TEX11: variants seen among roughly 807,000 people sequenced by gnomAD.
TEX11 encodes the protein testis-expressed protein 11.
Under a neutral mutation model 84.4 loss-of-function variants are expected in TEX11, and 7 were observed. That is an observed-to-expected ratio of 0.08 (90% confidence interval 0.05 to 0.16). The LOEUF (loss-of-function observed/expected upper bound fraction) is 0.16, where lower values mean the gene tolerates loss of function less well. Among genes scored for constraint, TEX11 ranks in the 10% least tolerant of loss-of-function variants. TEX11 has a pLI of 1.00. For missense variants in TEX11, 551 were observed against 660.5 expected, an observed-to-expected ratio of 0.83 and a Z score of 1.82; for synonymous variants, 264 against 222.8, an observed-to-expected ratio of 1.18 and a Z score of -1.64.
At chrX:70,841,385 G>A (rs2091442971) in intron 7 of TEX11, among the ~76,000 whole-genome samples, 1 of 111,147 alleles carries the variant, frequency 9.0e-6, no homozygotes, top group African/African-American at 3.3e-5. Context: ...TGACTACTCG[G>A]TACATAATGA....
intron 8 of TEX11, among the ~76,000 whole-genome samples, chrX:70,812,362 C>T (rs1010357738): frequency 1.8e-5 from 2 of 110,218 alleles, no homozygotes; most frequent in Non-Finnish European, 3.8e-5. Context: ...GCACCCACCA[C>T]CAGGCCGGCT....
intron 28 of TEX11, among the ~76,000 whole-genome samples, chrX:70,540,502 A>G: frequency 9.0e-6 from 1 of 110,530 alleles, no homozygotes; most frequent in East Asian, 2.8e-4. Context: ...AATTTTTTTT[A>G]TTATGGAGAT....
intron 20 of TEX11, among the ~76,000 whole-genome samples, chrX:70,621,244 C>T (rs972010702): frequency 2.4e-4 from 26 of 107,319 alleles, no homozygotes; most frequent in East Asian, 8.8e-4. Context: ...ATATTAGGGT[C>T]GGGCACGGTG....
chrX:70,856,711 T>C (rs1161423561), intron 5 of TEX11, among the ~76,000 whole-genome samples: 1 of 111,277 alleles, frequency 9.0e-6, no homozygotes, highest in Non-Finnish European at 1.9e-5. Context: ...CTAGATCTAA[T>C]TATCAGTTTA....
intron 25 of TEX11, among the ~76,000 whole-genome samples, chrX:70,561,764 A>G (rs1307854724): frequency 8.9e-6 from 1 of 112,002 alleles, no homozygotes; most frequent in Non-Finnish European, 1.9e-5. Context: ...ATTTGCATAT[A>G]CATAATACAT....
chrX:70,853,794 G>A (rs1014059087), intron 5 of TEX11, among the ~76,000 whole-genome samples: 2 of 111,920 alleles, frequency 1.8e-5, no homozygotes, highest in African/African-American at 6.5e-5. Context: ...ATTGTAACTG[G>A]TAGATATCCC....
chrX:70,768,524 C>T (rs75570679), intron 9 of TEX11, among the ~76,000 whole-genome samples: 8,299 of 109,536 alleles, frequency 0.076, 492 homozygotes, highest in Admixed American at 0.28. Flanking sequence ...GGGGAGGCCT[C>T]GGGAAACATA....
intron 20 of TEX11, among the ~76,000 whole-genome samples, chrX:70,621,640 G>A (rs906769834): frequency 1.2e-5 from 1 of 86,821 alleles, no homozygotes; most frequent in African/African-American, 4.3e-5. Flanking sequence ...GCAAACAAAG[G>A]AATGAATACG....
At chrX:70,890,161 A>G (rs1225315214) in intron 2 of TEX11, among the ~76,000 whole-genome samples, 1 of 112,058 alleles carries the variant, frequency 8.9e-6, no homozygotes, top group African/African-American at 3.2e-5. Flanking sequence ...AGATTTCATG[A>G]AAAAAACTAA....
chrX:70,899,225 A>G (rs754203446), intron 2 of TEX11, among the ~76,000 whole-genome samples: 1 of 111,859 alleles, frequency 8.9e-6, no homozygotes, highest in East Asian at 2.8e-4. Context: ...GTAGCAATAT[A>G]TGGCTACTGA....
At chrX:70,520,792 C>T in the TEX11 span, among the ~76,000 whole-genome samples, 15 of 112,097 alleles carry the variant, frequency 1.3e-4, no homozygotes, top group Admixed American at 7.5e-4. Flanking sequence ...TGGGCTCCAC[C>T]GAGTTCGAGC....
intron 9 of TEX11, among the ~76,000 whole-genome samples, chrX:70,755,213 A>T (rs1255585688): frequency 8.9e-6 from 1 of 112,380 alleles, no homozygotes; most frequent in Admixed American, 9.4e-5. Context: ...GGAAACTCGA[A>T]GAAATTCAAG....
chrX:70,862,650 C>T (rs6525435), intron 4 of TEX11, among the ~76,000 whole-genome samples: 21,841 of 108,381 alleles, frequency 0.2, 3,104 homozygotes, highest in African/African-American at 0.45. Context: ...ACACCTGTAA[C>T]CCCAACACTT....
chrX:70,804,455 T>C (rs966413458), intron 9 of TEX11, among the ~76,000 whole-genome samples: 1 of 111,888 alleles, frequency 8.9e-6, no homozygotes, highest in Non-Finnish European at 1.9e-5. Flanking sequence ...TTTAAAACAT[T>C]TGTGAATATT....
In TEX11 at chrX:70,553,414, A is replaced by G. The variant is rs1282035365; in HGVS notation, c.2291T>C (p.Ile764Thr). The change falls in exon 27 of 30, where the codon ATA (isoleucine) becomes ACA (threonine). Residue 764 changes from isoleucine to threonine, a missense_variant and splice_region_variant. Coordinates refer to ENST00000374333, the MANE Select transcript of TEX11 (RefSeq NM_031276.3). ...LETKTFETIA[I>T]IAMEKPAHYP... ...GTGTGCAGGCTTTTCCATTGCTATTACTAGAGTAAGAAAAGGAAAAAGGTT... is the reference window on the plus strand; with the variant it reads ...GTGTGCAGGCTTTTCCATTGCTATTGCTAGAGTAAGAAAAGGAAAAAGGTT... The G allele has an allele frequency of 2.6e-6, 3 of 1,172,624 alleles. No individual in the cohort carries two copies. Among genetic ancestry groups the G allele is most frequent in the Non-Finnish European group, 3.5e-6 (3 of 868,802 alleles).
chrX:70,634,344 CA>C (rs1025768863), intron 17 of TEX11, among the ~76,000 whole-genome samples: 1 of 111,619 alleles, frequency 9.0e-6, no homozygotes, highest in African/African-American at 3.3e-5. Context: ...TTCATTTATG[CA>C]AAACTTAAAA....
At chrX:70,591,624 G>GAAA in intron 25 of TEX11, 127 bp downstream of exon 25, 1 of 431,826 alleles carries the variant, frequency 2.3e-6, no homozygotes, top group Admixed American at 4.2e-5. Context: ...CAAAACAACA[G>GAAA]AAAAAAAAAA....
intron 13 of TEX11, among the ~76,000 whole-genome samples, chrX:70,705,621 C>G (rs1481664777): frequency 9.0e-6 from 1 of 111,462 alleles, no homozygotes; most frequent in Non-Finnish European, 1.9e-5. Context: ...AAGAAAAAAA[C>G]AAACAACCCC....
intron 2 of TEX11, among the ~76,000 whole-genome samples, chrX:70,901,709 G>T (rs1174589957): frequency 8.9e-6 from 1 of 111,794 alleles, no homozygotes; most frequent in East Asian, 2.8e-4. Flanking sequence ...GTGCAGCCAG[G>T]TTCCTAACAG....
Sources: gnomAD v4.1 joint callset for allele counts (sites outside exome capture counted in the v4.1 genomes callset) on GRCh38, gnomAD v4.1.1 for gene constraint, MANE v1.5 for transcripts, NCBI Gene and HGNC (gene_info 2026-07-23, HGNC 2026-07-21) for gene names.